PRIMA1: variants seen among roughly 807,000 people sequenced by gnomAD.
PRIMA1 encodes proline rich membrane anchor 1.
In PRIMA1, 7 loss-of-function variants were observed where a neutral mutation model predicts 17.5. The observed-to-expected ratio is 0.40, with a 90% CI of 0.23 to 0.75. The LOEUF (loss-of-function observed/expected upper bound fraction) is 0.75. PRIMA1 is among the 30% of genes least tolerant of loss of function. The probability of loss-of-function intolerance (pLI) is 0.37; values close to 1 mark genes in which losing one functional copy is unlikely to be tolerated. For missense variants in PRIMA1, 200 were observed against 201.8 expected, an observed-to-expected ratio of 0.99 and a Z score of 0.05; for synonymous variants, 97 against 77.9, an observed-to-expected ratio of 1.25 and a Z score of -1.29.
chr14:93,729,446 T>C (rs1344762471), intron 4 of PRIMA1, among the ~76,000 whole-genome samples: 2 of 151,974 alleles, frequency 1.3e-5, no homozygotes, highest in African/African-American at 4.8e-5. Flanking sequence ...CTTTGGCCCA[T>C]GAGATAACCC....
intron 4 of PRIMA1, among the ~76,000 whole-genome samples, chr14:93,725,469 C>A (rs917202549): frequency 1.3e-5 from 2 of 152,154 alleles, no homozygotes; most frequent in Admixed American, 1.3e-4. Flanking sequence ...CCCCCCAACT[C>A]CACCCCTCCA....
chr14:93,767,465 A>C (rs1884925620), intron 3 of PRIMA1, among the ~76,000 whole-genome samples: 1 of 152,236 alleles, frequency 6.6e-6, no homozygotes, highest in African/African-American at 2.4e-5. Context: ...CCCAGAGCCC[A>C]GAACCAGGGA....
chr14:93,735,851 T>G (rs1177982045), intron 4 of PRIMA1, among the ~76,000 whole-genome samples: 1 of 152,050 alleles, frequency 6.6e-6, no homozygotes, highest in Non-Finnish European at 1.5e-5. Flanking sequence ...CACCATGACC[T>G]GCTAATTTTG....
Position 93,747,202 on chromosome 14 carries a change from C to A in PRIMA1, c.230-9832G>T, listed in dbSNP as rs149697501. Reference sequence around the variant, plus strand: ...TGACAGGGGAGGCTTGTGAGGAAGGCGGCCCAAGCCATCCGGTCCTGCAGC... The same window carrying A: ...TGACAGGGGAGGCTTGTGAGGAAGGAGGCCCAAGCCATCCGGTCCTGCAGC... On this transcript the variant is annotated intron_variant, in intron 3 of 4. Transcript: ENST00000393140. Among the ~76,000 whole-genome samples, 68 of 152,180 alleles carry A rather than the reference C, an allele frequency of 4.5e-4. No homozygotes were observed. The East Asian group carries it at 0.011, about 25-fold the overall frequency.
chr14:93,776,402 G>C (rs1885222808), intron 3 of PRIMA1, among the ~76,000 whole-genome samples: 1 of 152,110 alleles, frequency 6.6e-6, no homozygotes, highest in African/African-American at 2.4e-5. Flanking sequence ...AGTTCTCTCT[G>C]TACTCAACCA....
intron 4 of PRIMA1, among the ~76,000 whole-genome samples, chr14:93,732,770 C>G (rs556775820): frequency 2.0e-5 from 3 of 152,190 alleles, no homozygotes; most frequent in Non-Finnish European, 4.4e-5. Context: ...AGAGGGAAAA[C>G]GGAGGCCACA....
intron 3 of PRIMA1, among the ~76,000 whole-genome samples, chr14:93,769,656 T>A (rs1352000233): frequency 1.3e-5 from 2 of 152,226 alleles, no homozygotes; most frequent in African/African-American, 2.4e-5. Flanking sequence ...TCACGGGGAC[T>A]GGCTTCACTT....
intron 3 of PRIMA1, among the ~76,000 whole-genome samples, chr14:93,778,679 A>G (rs1266048974): frequency 1.3e-5 from 2 of 152,260 alleles, no homozygotes; most frequent in Non-Finnish European, 2.9e-5. Flanking sequence ...CAAATTGTTC[A>G]GAGATGAAAT....
intron 3 of PRIMA1, among the ~76,000 whole-genome samples, chr14:93,765,733 C>A (rs1053206678): frequency 2.6e-5 from 4 of 151,950 alleles, no homozygotes; most frequent in Non-Finnish European, 4.4e-5. Context: ...CAAATTATGT[C>A]CCTTAGACAT....
chr14:93,748,637 G>T (rs1408465712), intron 3 of PRIMA1, among the ~76,000 whole-genome samples: 2 of 152,140 alleles, frequency 1.3e-5, no homozygotes, highest in East Asian at 3.9e-4. Context: ...GGGGCTCTGT[G>T]CCCTTCCATC....
intron 3 of PRIMA1, among the ~76,000 whole-genome samples, chr14:93,749,332 C>T (rs2076246420): frequency 6.6e-6 from 1 of 152,212 alleles, no homozygotes; most frequent in Non-Finnish European, 1.5e-5. Context: ...CATTCAGCTG[C>T]GAATCCACTC....
intron 3 of PRIMA1, among the ~76,000 whole-genome samples, chr14:93,760,346 C>G (rs902666970): frequency 6.6e-6 from 1 of 152,188 alleles, no homozygotes; most frequent in Non-Finnish European, 1.5e-5. Flanking sequence ...TGAGACAGTT[C>G]CCACTCCTGT....
At chr14:93,744,930 GAC>G (rs913104418) in intron 3 of PRIMA1, among the ~76,000 whole-genome samples, 9 of 151,888 alleles carry the variant, frequency 5.9e-5, no homozygotes, top group African/African-American at 1.9e-4. Context: ...AAAACTAAGG[GAC>G]ACACCCTTCT....
Position 93,787,697 on chromosome 14 carries a change from G to C in PRIMA1, c.22C>G (p.Leu8Val), listed in dbSNP as rs2141200976. The change falls in exon 2 of 5, where the codon CTG becomes GTG. Residue 8 changes from leucine to valine, a missense_variant. Leu to Val is a conservative substitution (Grantham distance 32, BLOSUM62 1). Coordinates refer to ENST00000393140, the MANE Select transcript of PRIMA1 (RefSeq NM_178013.4). ...GAGGACCAGCAGCAGCCACGGCGCA[G>C]CACCAAGTCCCGGAGGAGCATCTCG... The part of the protein sequence containing the change: MLLRDLV[L>V]RRGCCWSSLL... The C allele has an allele frequency of 6.5e-7, 1 of 1,544,396 alleles. No homozygotes were observed. Among genetic ancestry groups the C allele is most frequent in the African/African-American group, 1.4e-5 (1 of 73,180 alleles).
At chr14:93,723,239 T>C (rs1349368446) in intron 4 of PRIMA1, among the ~76,000 whole-genome samples, 1 of 152,090 alleles carries the variant, frequency 6.6e-6, no homozygotes, top group African/African-American at 2.4e-5. Context: ...GGTGCCAGGG[T>C]TGAGCCCGGA....
chr14:93,753,026 G>A (rs1442893403), intron 3 of PRIMA1, among the ~76,000 whole-genome samples: 1 of 152,136 alleles, frequency 6.6e-6, no homozygotes, highest in Non-Finnish European at 1.5e-5. Flanking sequence ...CAGCTGCGAT[G>A]ACCAGATGTC....
At chr14:93,787,561 G>A (rs750228558) in intron 2 of PRIMA1, 65 bp downstream of exon 2, 12 of 1,535,504 alleles carry the variant, frequency 7.8e-6, no homozygotes, top group Non-Finnish European at 9.6e-6. Context: ...GTCTCAGGAG[G>A]GAAGGGACAG....
intron 4 of PRIMA1, among the ~76,000 whole-genome samples, chr14:93,728,744 GCA>G (rs1390200714): frequency 1.3e-5 from 2 of 152,158 alleles, no homozygotes; most frequent in African/African-American, 4.8e-5. Context: ...CTGGCCCAGA[GCA>G]CACACACCCT....
chr14:93,722,709 GGTTAGCGTAATGGTT>G (rs2076048985), intron 4 of PRIMA1, among the ~76,000 whole-genome samples: 5 of 2,778 alleles, frequency 1.8e-3, no homozygotes, highest in South Asian at 9.8e-3. Context: ...TGATAGTGGT[GGTTAGCGTAATGGTT>G]GTGATGGTTG....
Sources: gnomAD v4.1 joint callset for allele counts (sites outside exome capture counted in the v4.1 genomes callset) on GRCh38, gnomAD v4.1.1 for gene constraint, MANE v1.5 for transcripts, NCBI Gene and HGNC (gene_info 2026-07-23, HGNC 2026-07-21) for gene names.